Variants in HECW2 observed in about 807,000 individuals in gnomAD.
The protein encoded by HECW2 is HECT, C2 and WW domain containing E3 ubiquitin protein ligase 2.
A neutral mutation model predicts 175.2 loss-of-function variants in HECW2; 61 were observed. The observed-to-expected ratio is 0.35, with a 90% CI of 0.28 to 0.43. HECW2 has a LOEUF of 0.43. Ranked by LOEUF, HECW2 falls within the 20% of genes least tolerant of loss-of-function variation. The pLI is 1.00. For missense variants in HECW2, 1,524 were observed against 2,000.5 expected (o/e 0.76, Z 4.54); for synonymous variants, 671 against 731.0 (o/e 0.92, Z 1.32).
In HECW2 at chr2:196,390,154, CTAT is replaced by C. The variant is rs1469644045; in HGVS notation, c.292+42975_292+42977del. Among the ~76,000 whole-genome samples, 3 of 152,038 alleles carry C rather than the reference CTAT, an allele frequency of 2.0e-5. No individual in the cohort carries two copies. In the East Asian group the frequency reaches 5.8e-4, roughly 29 times the overall value. On this transcript the variant is annotated intron_variant, in intron 2 of 28. Coordinates refer to ENST00000644978, the MANE Select transcript of HECW2 (RefSeq NM_001348768.2). ...TCCTGACAACTCCATGAGGTAGACC[CTAT>C]TATGATATCCATTTTATTCATGAAT...
intron 21 of HECW2, among the ~76,000 whole-genome samples, chr2:196,231,614 C>A (rs1350821424): frequency 1.3e-5 from 2 of 152,168 alleles, no homozygotes; most frequent in African/African-American, 4.8e-5. Context: ...CAAATATTTA[C>A]CACCTAGCCC....
At chr2:196,241,820 AAAAT>A (rs1174185311) in intron 20 of HECW2, among the ~76,000 whole-genome samples, 1 of 152,236 alleles carries the variant, frequency 6.6e-6, no homozygotes, top group Non-Finnish European at 1.5e-5. Context: ...TCAGAGGAAA[AAAAT>A]AAATCAGCCT....
chr2:196,323,907 T>C (rs924033918), intron 6 of HECW2, among the ~76,000 whole-genome samples: 2 of 102,712 alleles, frequency 1.9e-5, no homozygotes. Flanking sequence ...GAGTTTTTTT[T>C]GTTTTTTGTT....
chr2:196,541,147 C>G (rs1689198588), intron 1 of HECW2, among the ~76,000 whole-genome samples: 1 of 152,112 alleles, frequency 6.6e-6, no homozygotes, highest in Non-Finnish European at 1.5e-5. Flanking sequence ...GGGAGCGGCT[C>G]TGCAGACTGC....
intron 1 of HECW2, among the ~76,000 whole-genome samples, chr2:196,588,080 C>T (rs1691052366): frequency 6.6e-6 from 1 of 152,202 alleles, no homozygotes; most frequent in African/African-American, 2.4e-5. Context: ...CTCAACCACA[C>T]TTACCCTGTC....
At chr2:196,480,600 G>C (rs1199453795) in intron 1 of HECW2, among the ~76,000 whole-genome samples, 2 of 152,222 alleles carry the variant, frequency 1.3e-5, no homozygotes, top group Non-Finnish European at 2.9e-5. Flanking sequence ...TTCAAGAACT[G>C]GGAAGAGCAC....
Position 196,324,133 on chromosome 2 carries a change from T to A in HECW2, c.741+847A>T, listed in dbSNP as rs368171400. Among the ~76,000 whole-genome samples, 596 of 152,270 alleles carry A rather than the reference T, an allele frequency of 3.9e-3. 7 individuals carry two copies. Among genetic ancestry groups the A allele is most frequent in the African/African-American group, 0.014 (571 of 41,544 alleles). ...CAATTAAATATTTCTACAATATTGT[T>A]AGAACATATTGTTGTCATTAAATAT... On this transcript the variant is annotated intron_variant, in intron 6 of 28. Coordinates refer to ENST00000644978, the MANE Select transcript of HECW2 (RefSeq NM_001348768.2).
chr2:196,454,509 A>T (rs569581589), intron 1 of HECW2, among the ~76,000 whole-genome samples: 2 of 152,308 alleles, frequency 1.3e-5, no homozygotes, highest in African/African-American at 4.8e-5. Flanking sequence ...CACATTCATT[A>T]TTGCACACTT....
chr2:196,585,496 A>G (rs1461092497), intron 1 of HECW2, among the ~76,000 whole-genome samples: 2 of 152,218 alleles, frequency 1.3e-5, no homozygotes, highest in African/African-American at 2.4e-5. Context: ...CTATAGCTGG[A>G]TATCGGACAT....
chr2:196,590,628 T>C (rs1373674519), intron 1 of HECW2, among the ~76,000 whole-genome samples: 1 of 152,152 alleles, frequency 6.6e-6, no homozygotes, highest in African/African-American at 2.4e-5. Context: ...CATATAGACT[T>C]AACAAGCATT....
chr2:196,205,584 G>C (rs560576968), intron 28 of HECW2, among the ~76,000 whole-genome samples: 85 of 152,266 alleles, frequency 5.6e-4, no homozygotes, highest in African/African-American at 2.0e-3. Flanking sequence ...GGATTTTTAG[G>C]TGATCATACC....
intron 19 of HECW2, among the ~76,000 whole-genome samples, chr2:196,245,252 G>A (rs1367209655): frequency 6.6e-6 from 1 of 152,212 alleles, no homozygotes. Flanking sequence ...ACGTTACACA[G>A]GGGATCTTGA....
Position 196,430,655 on chromosome 2 carries a change from T to C in HECW2, c.292+2477A>G, listed in dbSNP as rs975260484. Among the ~76,000 whole-genome samples, 3 of 152,014 alleles carry C rather than the reference T, an allele frequency of 2.0e-5. No homozygotes were observed. In the East Asian group the frequency reaches 5.8e-4, roughly 29 times the overall value. On this transcript the variant is annotated intron_variant, in intron 2 of 28. Coordinates refer to ENST00000644978, the MANE Select transcript of HECW2 (RefSeq NM_001348768.2). ...AAATAACTCAAAGTTTAAAAATCCA[T>C]TGGGTGGGACTGACAACAGAATGAA...
intron 1 of HECW2, among the ~76,000 whole-genome samples, chr2:196,524,830 T>C (rs1357947320): frequency 8.6e-6 from 1 of 116,880 alleles, no homozygotes; most frequent in Non-Finnish European, 1.6e-5. Context: ...GATTGCACTG[T>C]GGTCTGAGAG....
intron 5 of HECW2, among the ~76,000 whole-genome samples, chr2:196,326,607 C>T (rs377357598): frequency 2.0e-5 from 3 of 151,638 alleles, no homozygotes; most frequent in Non-Finnish European, 4.4e-5. Context: ...CCACACCCAG[C>T]GAATTTTTGT....
At chr2:196,442,005 T>C (rs1367234411) in intron 1 of HECW2, among the ~76,000 whole-genome samples, 1 of 152,138 alleles carries the variant, frequency 6.6e-6, no homozygotes, top group African/African-American at 2.4e-5. Context: ...AAATGTAAAT[T>C]TGGAAAAGGG....
At chr2:196,471,719 A>C (rs1697203791) in intron 1 of HECW2, among the ~76,000 whole-genome samples, 1 of 152,206 alleles carries the variant, frequency 6.6e-6, no homozygotes, top group Non-Finnish European at 1.5e-5. Flanking sequence ...GCAGGAACAG[A>C]AAACCAAATA....
At chr2:196,423,770 T>A (rs1490191069) in intron 2 of HECW2, among the ~76,000 whole-genome samples, 1 of 151,592 alleles carries the variant, frequency 6.6e-6, no homozygotes, top group Non-Finnish European at 1.5e-5. Flanking sequence ...GTTGACTGCA[T>A]ATCTTGGCTA....
At chr2:196,449,585 C>T (rs187549363) in intron 1 of HECW2, among the ~76,000 whole-genome samples, 1 of 152,156 alleles carries the variant, frequency 6.6e-6, no homozygotes, top group African/African-American at 2.4e-5. Context: ...CTCCCAAATT[C>T]AATAAACTAA....
Sources: allele counts gnomAD v4.1 joint callset (sites outside exome capture counted in the v4.1 genomes callset), GRCh38; gene constraint gnomAD v4.1.1; transcripts MANE v1.5; gene names NCBI Gene and HGNC (gene_info 2026-07-23, HGNC 2026-07-21).